Variants in TEX14 observed in about 807,000 individuals in gnomAD.
TEX14 encodes inactive serine/threonine-protein kinase TEX14.
Under a neutral mutation model 178.6 loss-of-function variants are expected in TEX14, and 168 were observed. That is an observed-to-expected ratio of 0.94 (90% CI 0.83 to 1.07). The LOEUF (loss-of-function observed/expected upper bound fraction) is 1.07, where lower values mean the gene tolerates loss of function less well. TEX14 is among the 50% of genes least tolerant of loss of function. TEX14 has a pLI of 0.00. For synonymous variants in TEX14, 626 were observed against 634.1 expected (o/e 0.99, Z 0.19); for missense variants, 1,730 against 1,753.6 (o/e 0.99, Z 0.24).
chr17:58,563,675 AGAGAGAGAGAGAGAGAGAGAGAGAGAGC>A (rs1450233379), intron 28 of TEX14, among the ~76,000 whole-genome samples: 2 of 63,166 alleles, frequency 3.2e-5, no homozygotes, highest in Non-Finnish European at 3.0e-5. Flanking sequence ...AGAGAGAGAG[AGAGAGAGAGAGAGAGAGAGAGAGAGAGC>A]GCAAGATCAT....
chr17:58,610,114 C>CT (rs2045709957), intron 10 of TEX14, among the ~76,000 whole-genome samples: 1 of 152,212 alleles, frequency 6.6e-6, no homozygotes, highest in Non-Finnish European at 1.5e-5. Context: ...CTCAGGAAGA[C>CT]TTTGACTCTT....
At chr17:58,684,477 T>A (rs1188272894) in intron 1 of TEX14, among the ~76,000 whole-genome samples, 2 of 145,248 alleles carry the variant, frequency 1.4e-5, no homozygotes, top group African/African-American at 5.1e-5. Flanking sequence ...AAAAAAAAAA[T>A]TGCTTCCATA....
At chr17:58,609,334 T>A (rs1053458357) in intron 10 of TEX14, among the ~76,000 whole-genome samples, 1 of 151,846 alleles carries the variant, frequency 6.6e-6, no homozygotes, top group Non-Finnish European at 1.5e-5. Context: ...TGGTCTCGAT[T>A]TCCTGACCTC....
rs200771825 is a variant in TEX14, at chr17:58,602,581, G to A, written c.1346C>T (p.Pro449Leu). The change falls in exon 12 of 32, where the codon CCC (proline) becomes CTC (leucine). Residue 449 changes from proline (P) to leucine (L), a missense_variant. Physicochemically the swap from Pro to Leu is moderately conservative, Grantham distance 98. Coordinates refer to ENST00000349033, the MANE Select transcript of TEX14 (RefSeq NM_031272.5). Reference protein sequence around the residue: ...IMQEILTDDIPWKGLDGSVVK... With the variant: ...IMQEILTDDILWKGLDGSVVK... Reference sequence around the variant, plus strand: ...AACTGAGCCATCTAAGCCCTTCCAGGGTATGTCATCTGTAAGGAAAAAGTC... The same window carrying A: ...AACTGAGCCATCTAAGCCCTTCCAGAGTATGTCATCTGTAAGGAAAAAGTC... The A allele has an allele frequency of 1.4e-5, 22 of 1,610,808 alleles. No homozygotes were observed. The highest frequency in any genetic ancestry group is 1.7e-4 in the Middle Eastern group (1 of 6,040).
chr17:58,686,997 C>T (rs2143603098), intron 1 of TEX14, among the ~76,000 whole-genome samples: 1 of 151,540 alleles, frequency 6.6e-6, no homozygotes, highest in East Asian at 1.9e-4. Flanking sequence ...CCTCAGTCTC[C>T]CGAGTAGCTG....
intron 5 of TEX14, 61 bp downstream of exon 5, chr17:58,621,589 G>A: frequency 6.5e-7 from 1 of 1,529,364 alleles, no homozygotes; most frequent in Non-Finnish European, 8.9e-7. Flanking sequence ...CATGCTGCAG[G>A]GCTCCCACGA....
intron 5 of TEX14, among the ~76,000 whole-genome samples, chr17:58,620,233 A>G (rs1598392458): frequency 1.3e-5 from 2 of 152,222 alleles, no homozygotes; most frequent in African/African-American, 4.8e-5. Context: ...CCAAGGCCGG[A>G]TAAGGGATTT....
rs369987260 is a variant in TEX14 at position 58,599,157 on chromosome 17, A to C, written c.2188T>G (p.Cys730Gly). 4 of 1,614,018 alleles carry C rather than the reference A, an allele frequency of 2.5e-6. No individual in the cohort carries two copies. The highest frequency in any genetic ancestry group is 1.3e-5 in the African/African-American group (1 of 74,918). The change falls in exon 14 of 32, where the codon TGT becomes GGT. Residue 730 changes from cysteine to glycine, a missense_variant. Around this residue, in one of 2 missense-constraint regions of TEX14, gnomAD observed 941 missense variants for 1,072.4 expected, o/e 0.88. Transcript: ENST00000349033. ...STTEEYLISK[C>G]VLDLKIMQTI... is the part of the protein sequence containing the mutation. ...TGCATAATCTTTAGATCCAGCACACACTTACTGATGAGATACTCCTCAGTC... is the reference window on the plus strand; with the variant it reads ...TGCATAATCTTTAGATCCAGCACACCCTTACTGATGAGATACTCCTCAGTC...
chr17:58,601,248 C>A lies in TEX14; in HGVS notation c.1678+558G>T, dbSNP rs146103409. ...TAAAAATTTAAAAAGTAAGGCTGGG[C>A]GCAGTGGCTCACACCTGTAATCCCA... On this transcript the variant is annotated intron_variant, in intron 13 of 31. Transcript: ENST00000349033. 4.0e-3 allele frequency among the ~76,000 whole-genome samples: 612 copies of A among 152,000 alleles called. 10 individuals carry two copies. Among genetic ancestry groups the A allele is most frequent in the African/African-American group, 0.014 (575 of 41,434 alleles).
At chr17:58,639,106 C>T (rs1161022335) in intron 2 of TEX14, among the ~76,000 whole-genome samples, 4 of 151,628 alleles carry the variant, frequency 2.6e-5, no homozygotes, top group South Asian at 2.1e-4. Flanking sequence ...ACCTCGTGAT[C>T]CACCCACCTC....
intron 5 of TEX14, among the ~76,000 whole-genome samples, chr17:58,621,069 C>T (rs2045986856): frequency 6.6e-6 from 1 of 152,128 alleles, no homozygotes; most frequent in African/African-American, 2.4e-5. Context: ...ACATACAAAC[C>T]CTAAGTCAAC....
intron 1 of TEX14, among the ~76,000 whole-genome samples, chr17:58,659,967 G>A (rs1468370657): frequency 2.0e-5 from 3 of 151,020 alleles, no homozygotes; most frequent in Non-Finnish European, 4.4e-5. Flanking sequence ...AAAGTGCTGG[G>A]ATTACAGACA....
intron 16 of TEX14, 103 bp downstream of exon 16, chr17:58,587,793 G>T: frequency 8.3e-7 from 1 of 1,201,034 alleles, no homozygotes; most frequent in Non-Finnish European, 1.2e-6. Context: ...TACTCCCTAA[G>T]CCATTCCTAG....
intron 17 of TEX14, among the ~76,000 whole-genome samples, chr17:58,586,565 A>C (rs1402592358): frequency 6.6e-6 from 1 of 152,218 alleles, no homozygotes. Flanking sequence ...AAAAATAGAC[A>C]TTATATCCTT....
In TEX14 at chr17:58,665,497, G is replaced by A. The variant is rs1008305031; in HGVS notation, c.-1-13495C>T. On this transcript the variant is annotated intron_variant, in intron 1 of 31. Coordinates refer to ENST00000349033, the MANE Select transcript of TEX14 (RefSeq NM_031272.5). The stretch of plus-strand genomic sequence containing the variant: ...GCTGTAGTCCAGCTACTCTGAGGCT[G>A]AGGCATGAGAATTGCTTGAACCTGG... Among the ~76,000 whole-genome samples the A allele has an allele frequency of 2.6e-5, 4 of 152,148 alleles. 1 individual carries two copies. Among genetic ancestry groups the A allele is most frequent in the Middle Eastern group, 6.8e-3 (2 of 292 alleles).
intron 2 of TEX14, among the ~76,000 whole-genome samples, chr17:58,632,474 G>C (rs2046344568): frequency 6.6e-6 from 1 of 152,162 alleles, no homozygotes; most frequent in Non-Finnish European, 1.5e-5. Flanking sequence ...TTACAGGCGT[G>C]AGCCGTCACA....
rs768042608 is a variant in TEX14 at position 58,557,809 on chromosome 17, C to T, written c.4309G>A (p.Glu1437Lys). 9.9e-6 allele frequency: 16 copies of T among 1,610,712 alleles called. No homozygotes were observed. Among genetic ancestry groups the T allele is most frequent in the Middle Eastern group, 1.6e-4 (1 of 6,066 alleles). The change falls in exon 31 of 32, where the codon GAA (glutamate) becomes AAA (lysine). Residue 1437 changes from glutamate (E) to lysine (K), a missense_variant. Transcript: ENST00000349033. The stretch of plus-strand genomic sequence containing the variant: ...CTGATATTTCATTACCTGGATGATT[C>T]GGACCAACCTAGTCGCTTCCAAAAA... Reference protein sequence around the residue: ...SCFWKRLGWSESSRIIVLDQS... With the variant: ...SCFWKRLGWSKSSRIIVLDQS...
chr17:58,590,869 T>C (rs1444115510), intron 15 of TEX14, among the ~76,000 whole-genome samples: 1 of 151,904 alleles, frequency 6.6e-6, no homozygotes, highest in Non-Finnish European at 1.5e-5. Context: ...AATTTCAAAA[T>C]AAGTTTACAG....
chr17:58,680,127 T>G (rs1482181574), intron 1 of TEX14, among the ~76,000 whole-genome samples: 3 of 152,122 alleles, frequency 2.0e-5, no homozygotes, highest in African/African-American at 7.2e-5. Context: ...TTGCCCAGGC[T>G]GGGGTACAGT....
Sources: gnomAD v4.1 joint callset for allele counts (sites outside exome capture counted in the v4.1 genomes callset) on GRCh38, gnomAD v4.1.1 for gene constraint, gnomAD v4.1.1 regional missense constraint, MANE v1.5 for transcripts, NCBI Gene and HGNC (gene_info 2026-07-23, HGNC 2026-07-21) for gene names.